The following NIPAL2 variants were observed in gnomAD, a reference collection of about 807,000 sequenced individuals.
The protein encoded by NIPAL2 is NIPA like domain containing 2, also known as NIPA-like protein 2.
NIPAL2 carries 43 observed loss-of-function variants against 48.9 expected under a neutral mutation model. That is an observed-to-expected ratio of 0.88 (90% CI 0.69 to 1.13). NIPAL2 has a LOEUF of 1.13. NIPAL2 is among the 50% of genes most tolerant of loss of function. The pLI, the probability that NIPAL2 is intolerant of heterozygous loss-of-function variation, is 0.00. For missense variants in NIPAL2, 446 were observed against 461.4 expected, an observed-to-expected ratio of 0.97 and a Z score of 0.31; for synonymous variants, 167 against 174.6, an observed-to-expected ratio of 0.96 and a Z score of 0.34.
At chr8:98,262,265 T>G (rs1300629155) in intron 1 of NIPAL2, among the ~76,000 whole-genome samples, 40 of 151,996 alleles carry the variant, frequency 2.6e-4, no homozygotes, top group Non-Finnish European at 1.2e-4. Context: ...CAGGATCAAA[T>G]TCACACATAA....
intron 1 of NIPAL2, among the ~76,000 whole-genome samples, chr8:98,293,497 G>T (rs1586508543): frequency 6.6e-6 from 1 of 152,240 alleles, no homozygotes; most frequent in Admixed American, 6.5e-5. Flanking sequence ...CACGGAAATG[G>T]AAGAGCTGTG....
chr8:98,223,410 A>G (rs1379193419), intron 4 of NIPAL2, among the ~76,000 whole-genome samples: 1 of 152,146 alleles, frequency 6.6e-6, no homozygotes, highest in Non-Finnish European at 1.5e-5. Flanking sequence ...AATAATGTTG[A>G]AAACTGCTTA....
At chr8:98,232,930 G>C (rs1318693657) in intron 4 of NIPAL2, among the ~76,000 whole-genome samples, 1 of 152,188 alleles carries the variant, frequency 6.6e-6, no homozygotes, top group Non-Finnish European at 1.5e-5. Flanking sequence ...TATTTGGCAA[G>C]AGTAAATGTT....
rs1563531576 is a variant in NIPAL2 at position 98,259,069 on chromosome 8, C to CTTTTTTTTTTTTTTTT, written c.136-4983_136-4982insAAAAAAAAAAAAAAAA. Among the ~76,000 whole-genome samples, 27 of 89,348 alleles carry CTTTTTTTTTTTTTTTT rather than the reference C, an allele frequency of 3.0e-4. 2 individuals carry two copies. Among genetic ancestry groups the CTTTTTTTTTTTTTTTT allele is most frequent in the African/African-American group, 9.2e-4 (20 of 21,794 alleles). 58.6% of individuals were successfully genotyped at this position (89,348 alleles called of 152,430 possible). A position where few individuals can be genotyped will look rare whatever the true frequency, so the allele number is the denominator to read the frequency against. On this transcript the variant is annotated intron_variant, in intron 1 of 10. Transcript: ENST00000430223. ...TTATGCTGCTGTTCCTTTAAATATTCCTTTTTTTTTTTTTTTTTTTTTTTT... is the reference window on the plus strand; with the variant it reads ...TTATGCTGCTGTTCCTTTAAATATTCTTTTTTTTTTTTTTTTCTTTTTTTTTTTTTTTTTTTTTTTT...
chr8:98,205,378 A>G (rs1810981169), intron 6 of NIPAL2, 132 bp from the exon 7 acceptor site: 1 of 802,568 alleles, frequency 1.2e-6, no homozygotes, highest in Non-Finnish European at 1.9e-6. Context: ...TGAGAGGTGT[A>G]GGAAGGGATG....
chr8:98,204,068 G>C (rs896166093), intron 7 of NIPAL2, among the ~76,000 whole-genome samples: 2 of 152,164 alleles, frequency 1.3e-5, no homozygotes, highest in Non-Finnish European at 2.9e-5. Context: ...ACTGAGACAA[G>C]GGTGACAGGA....
intron 1 of NIPAL2, among the ~76,000 whole-genome samples, chr8:98,256,216 A>G (rs1028103509): frequency 6.6e-6 from 1 of 151,898 alleles, no homozygotes; most frequent in Non-Finnish European, 1.5e-5. Context: ...TAGAGACGGC[A>G]TTTCGCCATG....
At chr8:98,281,301 A>G (rs1815816614) in intron 1 of NIPAL2, among the ~76,000 whole-genome samples, 1 of 151,990 alleles carries the variant, frequency 6.6e-6, no homozygotes, top group South Asian at 2.1e-4. Flanking sequence ...AGTACCCCCA[A>G]GAAGCTCAGA....
At position 98,240,231 on chromosome 8, in the gene NIPAL2, C is replaced by T. The variant is rs1041579881; in HGVS notation, c.377-4017G>A. Among the ~76,000 whole-genome samples, 12 of 152,288 alleles carry T rather than the reference C, an allele frequency of 7.9e-5. No homozygotes were observed. In the East Asian group the frequency reaches 2.3e-3, roughly 29 times the overall value. On this transcript the variant is annotated intron_variant, in intron 3 of 10. Transcript: ENST00000430223. ...TTTGAGACATGTTTGGGCAGAGACT[C>T]ATGAATGCTTTTCCCTCTGGCCTTC...
chr8:98,288,094 G>T (rs1586497602), intron 1 of NIPAL2, among the ~76,000 whole-genome samples: 1 of 151,906 alleles, frequency 6.6e-6, no homozygotes, highest in East Asian at 1.9e-4. Flanking sequence ...CATTGTGCAG[G>T]TTAGTTACAT....
At chr8:98,220,031 GTGTATGAGAATTT>G (rs1811772386) in intron 5 of NIPAL2, among the ~76,000 whole-genome samples, 1 of 151,910 alleles carries the variant, frequency 6.6e-6, no homozygotes. Context: ...GGGGTGTGTA[GTGTATGAGAATTT>G]TTTTTTTTTT....
chr8:98,287,402 T>C (rs1435831586), intron 1 of NIPAL2, among the ~76,000 whole-genome samples: 3 of 152,154 alleles, frequency 2.0e-5, no homozygotes, highest in Non-Finnish European at 4.4e-5. Flanking sequence ...TGTTCTGAAA[T>C]GTGACTGAAA....
chr8:98,286,042 C>T (rs561661387), intron 1 of NIPAL2, among the ~76,000 whole-genome samples: 12 of 152,194 alleles, frequency 7.9e-5, no homozygotes, highest in African/African-American at 2.9e-4. Flanking sequence ...CCTTCATGAG[C>T]GGATTAATGT....
chr8:98,260,616 T>TCGGA, intron 1 of NIPAL2, among the ~76,000 whole-genome samples: 1 of 152,152 alleles, frequency 6.6e-6, no homozygotes, highest in Non-Finnish European at 1.5e-5. Context: ...TGCACCTGGC[T>TCGGA]CGGAGGGTCC....
intron 8 of NIPAL2, among the ~76,000 whole-genome samples, chr8:98,197,707 T>C (rs1810612901): frequency 6.6e-6 from 1 of 152,264 alleles, no homozygotes; most frequent in South Asian, 2.1e-4. Context: ...GTTTCCACTT[T>C]AAGAAACCAC....
At chr8:98,254,717 G>C (rs1181925822) in intron 1 of NIPAL2, among the ~76,000 whole-genome samples, 1 of 152,174 alleles carries the variant, frequency 6.6e-6, no homozygotes, top group Non-Finnish European at 1.5e-5. Flanking sequence ...TGCTATACCA[G>C]CTCACCACAA....
intron 3 of NIPAL2, among the ~76,000 whole-genome samples, chr8:98,249,459 A>T (rs1196354538): frequency 6.6e-6 from 1 of 151,912 alleles, no homozygotes; most frequent in East Asian, 1.9e-4. Flanking sequence ...AGTCCTATAT[A>T]TGACTAGTAT....
In NIPAL2 at chr8:98,285,396, G is replaced by A. The variant is rs141607729; in HGVS notation, c.135+8607C>T. Among the ~76,000 whole-genome samples, 713 of 152,290 alleles carry A rather than the reference G, an allele frequency of 4.7e-3. 7 individuals carry two copies. Among genetic ancestry groups the A allele is most frequent in the African/African-American group, 0.016 (683 of 41,552 alleles). ...GGGAACACTAAGCCTGGTAACTCCA[G>A]CCTTGGCGACTGGTATGAGACAGGA... On this transcript the variant is annotated intron_variant, in intron 1 of 10. Coordinates refer to ENST00000430223, the MANE Select transcript of NIPAL2 (RefSeq NM_001321635.2).
At chr8:98,233,400 A>G (rs1165112630) in intron 4 of NIPAL2, among the ~76,000 whole-genome samples, 11 of 151,526 alleles carry the variant, frequency 7.3e-5, no homozygotes, top group Non-Finnish European at 1.5e-5. Context: ...TTTTAGTATT[A>G]CCTCTTAGGA....
Sources: allele counts gnomAD v4.1 joint callset (sites outside exome capture counted in the v4.1 genomes callset), GRCh38; gene constraint gnomAD v4.1.1; transcripts MANE v1.5; gene names NCBI Gene and HGNC (gene_info 2026-07-23, HGNC 2026-07-21).